UBE3B: variants seen among roughly 807,000 people sequenced by gnomAD.
The protein encoded by UBE3B is ubiquitin-protein ligase E3B.
A neutral mutation model predicts 132.3 loss-of-function variants in UBE3B; 80 were observed. The ratio of observed to expected loss-of-function variants is 0.60; its 90% CI spans 0.50 to 0.73. The LOEUF (loss-of-function observed/expected upper bound fraction) is 0.73. UBE3B is among the 30% of genes least tolerant of loss of function. UBE3B has a pLI of 0.00. For synonymous variants in UBE3B, 487 were observed against 520.4 expected, an observed-to-expected ratio of 0.94 and a Z score of 0.87; for missense variants, 1,196 against 1,362.5, an observed-to-expected ratio of 0.88 and a Z score of 1.92.
chr12:109,486,793 A>G lies in UBE3B; in HGVS notation c.447+218A>G, dbSNP rs374753771. Among the ~76,000 whole-genome samples, 4 of 152,188 alleles carry G rather than the reference A, an allele frequency of 2.6e-5. No homozygotes were observed. In the South Asian group the frequency reaches 6.2e-4, roughly 24 times the overall value. On this transcript the variant is annotated intron_variant, in intron 6 of 27. Transcript: ENST00000342494. The stretch of plus-strand genomic sequence containing the variant: ...AACTGCTTGCCACGCCACAGCCTCC[A>G]TGGCAGGGAATCTGTCACTTTCCTT...
rs1197725620 is a variant in UBE3B at position 109,534,676 on chromosome 12, C to T, written c.3101C>T (p.Ser1034Phe). 6.2e-7 allele frequency: 1 copy of T among 1,611,476 alleles called. No individual in the cohort carries two copies. The highest frequency in any genetic ancestry group is 1.3e-5 in the African/African-American group (1 of 74,784). The change falls in exon 28 of 28, where the codon TCC (serine) becomes TTC (phenylalanine). Residue 1034 changes from serine to phenylalanine, a missense_variant. Transcript: ENST00000342494. The surrounding 1 kb of genome is among the most constrained non-coding windows in gnomAD (Gnocchi z 5.2). ...REPGGRLPTS[S>F]TCFNLLKLPN... ...CCAGGCGGCCGCCTGCCCACCTCCT[C>T]CACCTGCTTCAACCTGCTCAAGCTG...
In UBE3B at chr12:109,534,004, G is replaced by A. The variant is rs781760960; in HGVS notation, c.3015+446G>A. On this transcript the variant is annotated intron_variant, in intron 27 of 27. Transcript: ENST00000342494. This position sits in a 1 kb window ranked among gnomAD's most constrained non-coding sequence, Gnocchi z 5.2. Reference sequence around the variant, plus strand: ...CCTCATTGGCCAAAGGAGAAGGAAAGCCTTCAGGGTTACGGAGCTCTGTGT... The same window carrying A: ...CCTCATTGGCCAAAGGAGAAGGAAAACCTTCAGGGTTACGGAGCTCTGTGT... 1.5e-6 allele frequency: 2 copies of A among 1,296,520 alleles called. No homozygotes were observed. The highest frequency in any genetic ancestry group is 1.2e-5 in the South Asian group (1 of 81,086). 80.3% of individuals were successfully genotyped at this position (1,296,520 alleles called of 1,614,324 possible). A position where few individuals can be genotyped will look rare whatever the true frequency, so the allele number is the denominator to read the frequency against.
At position 109,535,882 on chromosome 12, in the gene UBE3B, G is replaced by T. The variant is rs1218983363; in HGVS notation, c.*1100G>T. The T allele has an allele frequency of 6.6e-6, 1 of 151,744 alleles. No homozygotes were observed. The highest frequency in any genetic ancestry group is 6.6e-5 in the Admixed American group (1 of 15,228). 9.4% of individuals were successfully genotyped at this position (151,744 alleles called of 1,614,324 possible). A position where few individuals can be genotyped will look rare whatever the true frequency, so the allele number is the denominator to read the frequency against. On this transcript the variant is annotated 3_prime_UTR_variant, in exon 28 of 28. Coordinates refer to ENST00000342494, the MANE Select transcript of UBE3B (RefSeq NM_130466.4). Reference sequence around the variant, plus strand: ...TCTGCCCTCATTCTTTACCTTTGTTGTAAGAACTTTAGCTCCAGGGAACTG... The same window carrying T: ...TCTGCCCTCATTCTTTACCTTTGTTTTAAGAACTTTAGCTCCAGGGAACTG...
At position 109,524,783 on chromosome 12, in the gene UBE3B, A is replaced by C. The variant is rs150419742; in HGVS notation, c.2568+280A>C. On this transcript the variant is annotated intron_variant, in intron 23 of 27. Coordinates refer to ENST00000342494, the MANE Select transcript of UBE3B (RefSeq NM_130466.4). ...ATTTGTAACATGGCTTTTCGTTACCATGGTGAGGATTAGCCGTTACAAATG... is the reference window on the plus strand; with the variant it reads ...ATTTGTAACATGGCTTTTCGTTACCCTGGTGAGGATTAGCCGTTACAAATG... Among the ~76,000 whole-genome samples, 16 of 152,118 alleles carry C rather than the reference A, an allele frequency of 1.1e-4. 1 individual carries two copies. Among genetic ancestry groups the C allele is most frequent in the Non-Finnish European group, 2.2e-4 (15 of 68,004 alleles).
Position 109,509,584 on chromosome 12 carries a change from T to G in UBE3B, c.1623-12T>G. ...CAGTGTGGAATTGTGGGTAATTTTC[T>G]CTCTGATTTAGAATCCTTGATGACA... On this transcript the variant is annotated splice_polypyrimidine_tract_variant and intron_variant, in intron 15 of 27. Transcript: ENST00000342494. 1.3e-6 allele frequency: 2 copies of G among 1,567,790 alleles called. No homozygotes were observed. The highest frequency in any genetic ancestry group is 1.7e-6 in the Non-Finnish European group (2 of 1,156,612).
Position 109,534,423 on chromosome 12 carries a change from C to G in UBE3B, c.3016-168C>G. 1 of 1,421,368 alleles carries G rather than the reference C, an allele frequency of 7.0e-7. No individual in the cohort carries two copies. Among genetic ancestry groups the G allele is most frequent in the Non-Finnish European group, 9.2e-7 (1 of 1,091,402 alleles). 88.0% of individuals were successfully genotyped at this position (1,421,368 alleles called of 1,614,324 possible). A position where few individuals can be genotyped will look rare whatever the true frequency, so the allele number is the denominator to read the frequency against. On this transcript the variant is annotated intron_variant, in intron 27 of 27. Transcript: ENST00000342494. This position sits in a 1 kb window ranked among gnomAD's most constrained non-coding sequence, Gnocchi z 5.2. Reference sequence around the variant, plus strand: ...GGTTCCTTCTCTGGAAGCCAGTCGTCTTGTGTCTGGGGCTTGACCTCGGGT... The same window carrying G: ...GGTTCCTTCTCTGGAAGCCAGTCGTGTTGTGTCTGGGGCTTGACCTCGGGT...
At chr12:109,482,123 C>T (rs780086334) in intron 2 of UBE3B, among the ~76,000 whole-genome samples, 31 of 152,144 alleles carry the variant, frequency 2.0e-4, no homozygotes, top group Non-Finnish European at 3.5e-4. Context: ...TTCAATAACA[C>T]GTAATTAATT....
intron 15 of UBE3B, chr12:109,508,589 CTT>C: frequency 1.0e-6 from 1 of 985,570 alleles, no homozygotes; most frequent in Non-Finnish European, 1.2e-6. Flanking sequence ...GGCTGGAAGA[CTT>C]TAGCCGGAGA....
chr12:109,498,912 A>C (rs1878586952), intron 11 of UBE3B, among the ~76,000 whole-genome samples: 1 of 151,200 alleles, frequency 6.6e-6, no homozygotes, highest in Non-Finnish European at 1.5e-5. Flanking sequence ...TGCATCCTCT[A>C]CCTCCTGGGC....
chr12:109,511,699 G>C (rs1880395543), intron 18 of UBE3B, among the ~76,000 whole-genome samples: 1 of 152,188 alleles, frequency 6.6e-6, no homozygotes, highest in Admixed American at 6.5e-5. Context: ...AAGCCGAGGA[G>C]GGTAGTAGGA....
At position 109,507,685 on chromosome 12, in the gene UBE3B, A is replaced by T; in HGVS notation, c.1572A>T (p.Gln524His). Residue 524 changes from glutamine (Q) to histidine (H), a missense_variant, in exon 15 of 28, where the codon CAA becomes CAT. Coordinates refer to ENST00000342494, the MANE Select transcript of UBE3B (RefSeq NM_130466.4). ...CLNNDTEESK[Q>H]LLAMLMLFCD... ...ACAATGACACTGAAGAGTCCAAGCA[A>T]CTCTTGGCCATGCTGATGCTGTTCT... The T allele has an allele frequency of 6.2e-7, 1 of 1,613,870 alleles. No homozygotes were observed.
rs1442238098 is a variant in UBE3B, at chr12:109,522,157, T to G, written c.2364+606T>G. Reference sequence around the variant, plus strand: ...GTGGAGATAAGAAAAGCCACATTCCTGGGTTGCCGTTAATGGTAAGTGAGG... The same window carrying G: ...GTGGAGATAAGAAAAGCCACATTCCGGGGTTGCCGTTAATGGTAAGTGAGG... On this transcript the variant is annotated intron_variant, in intron 21 of 27. Transcript: ENST00000342494. The surrounding 1 kb of genome is among the most constrained non-coding windows in gnomAD (Gnocchi z 4.2). 1.3e-5 allele frequency among the ~76,000 whole-genome samples: 2 copies of G among 152,198 alleles called. No homozygotes were observed. Among genetic ancestry groups the G allele is most frequent in the Non-Finnish European group, 2.9e-5 (2 of 68,024 alleles).
downstream of UBE3B, among the ~76,000 whole-genome samples, chr12:109,537,241 G>T (rs60197450): frequency 6.6e-6 from 1 of 152,208 alleles, no homozygotes; most frequent in East Asian, 1.9e-4. Flanking sequence ...GGTGTGCCAG[G>T]CGTTGTTCCC....
downstream of UBE3B, among the ~76,000 whole-genome samples, chr12:109,540,738 G>T (rs1883593994): frequency 1.3e-5 from 2 of 152,242 alleles, no homozygotes; most frequent in Non-Finnish European, 2.9e-5. Flanking sequence ...TTCCAGGACT[G>T]CCCCTCACAC....
chr12:109,524,240 A>T (rs902783116), intron 22 of UBE3B, 125 bp downstream of exon 22: 1 of 1,435,374 alleles, frequency 7.0e-7, no homozygotes, highest in Non-Finnish European at 9.5e-7. Context: ...GGCCCCTCAC[A>T]TCCCCCTGTG....
the UBE3B span, among the ~76,000 whole-genome samples, chr12:109,545,052 G>C: frequency 7.4e-6 from 1 of 135,222 alleles, no homozygotes; most frequent in South Asian, 2.3e-4. Context: ...TGACCAGGAA[G>C]GTGACCTCAC....
intron 9 of UBE3B, among the ~76,000 whole-genome samples, chr12:109,494,414 A>C (rs185333931): frequency 6.6e-6 from 1 of 152,292 alleles, no homozygotes; most frequent in African/African-American, 2.4e-5. Context: ...TAGTTTGCCC[A>C]GGCACTTAGT....
intron 14 of UBE3B, 71 bp downstream of exon 14, chr12:109,503,261 G>A: frequency 6.4e-7 from 1 of 1,558,172 alleles, no homozygotes; most frequent in Non-Finnish European, 8.7e-7. Context: ...AAAAGTCGAT[G>A]TTTTTTTCTG....
At chr12:109,478,265 C>T (rs1045206466) in intron 1 of UBE3B, among the ~76,000 whole-genome samples, 156 bp downstream of exon 1, 1 of 152,168 alleles carries the variant, frequency 6.6e-6, no homozygotes, top group Admixed American at 6.5e-5. Context: ...AGCTTAGCCC[C>T]CACAGGCAAT....
Sources: allele counts gnomAD v4.1 joint callset (sites outside exome capture counted in the v4.1 genomes callset), GRCh38; gene constraint gnomAD v4.1.1; non-coding constraint Gnocchi (gnomAD v3.1); transcripts MANE v1.5; gene names NCBI Gene and HGNC (gene_info 2026-07-23, HGNC 2026-07-21).